GRM8: variants seen among roughly 807,000 people sequenced by gnomAD.
GRM8 encodes metabotropic glutamate receptor 8.
In GRM8, 47 loss-of-function variants were observed where a neutral mutation model predicts 87.2. That is an observed-to-expected ratio of 0.54 (90% CI 0.43 to 0.69). The LOEUF (loss-of-function observed/expected upper bound fraction) is 0.69, where lower values mean the gene tolerates loss of function less well. Among genes scored for constraint, GRM8 ranks in the 30% least tolerant of loss-of-function variants. GRM8 has a pLI of 0.00. For missense variants in GRM8, 1,019 were observed against 1,139.2 expected (o/e 0.89, Z 1.52); for synonymous variants, 396 against 404.5 (o/e 0.98, Z 0.25).
At chr7:126,716,594 A>C (rs981777535) in intron 7 of GRM8, among the ~76,000 whole-genome samples, 3 of 151,870 alleles carry the variant, frequency 2.0e-5, no homozygotes, top group Non-Finnish European at 4.4e-5. Flanking sequence ...GTTGGTTTTC[A>C]CCTCCATCAT....
chr7:126,900,172 ACTGT>A (rs1801930835), intron 6 of GRM8, among the ~76,000 whole-genome samples: 1 of 152,156 alleles, frequency 6.6e-6, no homozygotes, highest in East Asian at 1.9e-4. Context: ...ATTTTAGTGA[ACTGT>A]CTGTGGGGTC....
chr7:127,110,423 C>T (rs1826239272), intron 2 of GRM8, among the ~76,000 whole-genome samples: 1 of 152,136 alleles, frequency 6.6e-6, no homozygotes, highest in South Asian at 2.1e-4. Flanking sequence ...CTTTCTTCTT[C>T]ATTTCCCTAA....
At chr7:127,055,009 C>A (rs745769335) in intron 3 of GRM8, among the ~76,000 whole-genome samples, 2 of 151,972 alleles carry the variant, frequency 1.3e-5, no homozygotes, top group Non-Finnish European at 2.9e-5. Context: ...AGCTATACCA[C>A]CTTTAGGTAC....
chr7:126,507,285 C>T (rs1367819669), intron 9 of GRM8, among the ~76,000 whole-genome samples: 3 of 152,104 alleles, frequency 2.0e-5, no homozygotes, highest in African/African-American at 7.2e-5. Flanking sequence ...CTCTGTCACT[C>T]ACCTATCTTT....
chr7:126,909,792 G>C (rs1203235378), intron 3 of GRM8, among the ~76,000 whole-genome samples: 3 of 152,062 alleles, frequency 2.0e-5, no homozygotes, highest in Admixed American at 1.3e-4. Flanking sequence ...TTGAAGGTTT[G>C]CATCATGACC....
intron 7 of GRM8, among the ~76,000 whole-genome samples, chr7:126,651,079 T>C (rs1803799669): frequency 6.6e-6 from 1 of 152,180 alleles, no homozygotes; most frequent in Admixed American, 6.5e-5. Context: ...TTGTCCTCAC[T>C]GGAATAGACA....
chr7:126,527,087 G>A (rs546689241), intron 9 of GRM8, among the ~76,000 whole-genome samples: 15 of 152,298 alleles, frequency 9.8e-5, no homozygotes, highest in Non-Finnish European at 1.8e-4. Context: ...GGCTGGGCGC[G>A]GTGGCTCACG....
chr7:127,024,073 A>G (rs1440294031), intron 3 of GRM8, among the ~76,000 whole-genome samples: 1 of 152,246 alleles, frequency 6.6e-6, no homozygotes, highest in East Asian at 1.9e-4. Flanking sequence ...CTTTTTTAAA[A>G]GAGGGAATTT....
At chr7:126,617,220 A>G (rs548831621) in intron 7 of GRM8, among the ~76,000 whole-genome samples, 2 of 152,352 alleles carry the variant, frequency 1.3e-5, no homozygotes, top group East Asian at 3.9e-4. Context: ...GGCTGGTTCA[A>G]CATACGAAAA....
At chr7:126,677,923 TCTC>T (rs1276117065) in intron 7 of GRM8, among the ~76,000 whole-genome samples, 1 of 152,106 alleles carries the variant, frequency 6.6e-6, no homozygotes, top group Non-Finnish European at 1.5e-5. Flanking sequence ...ACAACTCTCA[TCTC>T]CTATAGCAGC....
chr7:126,788,420 A>AAAAAAAAAAACAAAAAAAAAAAAAC, intron 6 of GRM8, among the ~76,000 whole-genome samples: 1 of 81,134 alleles, frequency 1.2e-5, no homozygotes, highest in African/African-American at 4.6e-5. Flanking sequence ...AAAAAAAAAA[A>AAAAAAAAAAACAAAAAAAAAAAAAC]AAACCCTTTC....
At chr7:126,531,380 G>C (rs1245929033) in intron 9 of GRM8, among the ~76,000 whole-genome samples, 1 of 152,104 alleles carries the variant, frequency 6.6e-6, no homozygotes, top group South Asian at 2.1e-4. Context: ...GATTTAGTTT[G>C]ATTTCAGAAA....
chr7:126,770,321 C>T (rs1818700936), intron 6 of GRM8, among the ~76,000 whole-genome samples: 1 of 151,874 alleles, frequency 6.6e-6, no homozygotes, highest in Non-Finnish European at 1.5e-5. Context: ...ATCTTTTTTC[C>T]ACCTTATTGA....
chr7:127,105,197 G>T (rs1825695088), intron 3 of GRM8: 1 of 152,094 alleles, frequency 6.6e-6, no homozygotes, highest in Non-Finnish European at 1.5e-5. Context: ...AATATAATTT[G>T]TCATAATTTA....
intron 8 of GRM8, among the ~76,000 whole-genome samples, chr7:126,588,499 A>T (rs528567016): frequency 2.2e-4 from 33 of 152,270 alleles, no homozygotes; most frequent in African/African-American, 7.7e-4. Context: ...AGACATATGC[A>T]CTCATATGCA....
chr7:126,940,752 G>A (rs985524153), intron 3 of GRM8, among the ~76,000 whole-genome samples: 1 of 152,096 alleles, frequency 6.6e-6, no homozygotes, highest in African/African-American at 2.4e-5. Flanking sequence ...GTCATTTGGG[G>A]TCAATTTGTT....
At chr7:126,992,138 C>G (rs1191629061) in intron 3 of GRM8, among the ~76,000 whole-genome samples, 1 of 152,174 alleles carries the variant, frequency 6.6e-6, no homozygotes. Context: ...ATCACAGTGC[C>G]TTGCTTAGTT....
intron 3 of GRM8, among the ~76,000 whole-genome samples, chr7:126,991,290 CTGTT>C (rs1415428994): frequency 3.9e-5 from 6 of 152,206 alleles, no homozygotes; most frequent in African/African-American, 1.4e-4. Flanking sequence ...CAGCAAATCT[CTGTT>C]TGTTGTTTCG....
chr7:127,184,430 G>A (rs12706767), intron 2 of GRM8, among the ~76,000 whole-genome samples: 30,223 of 151,590 alleles, frequency 0.2, 3,402 homozygotes, highest in Middle Eastern at 0.31. Flanking sequence ...TACAGAAAAG[G>A]CATTTGACAA....
Sources: gnomAD v4.1 joint callset for allele counts (sites outside exome capture counted in the v4.1 genomes callset) on GRCh38, gnomAD v4.1.1 for gene constraint, MANE v1.5 for transcripts, NCBI Gene and HGNC (gene_info 2026-07-23, HGNC 2026-07-21) for gene names.